STAC: variants seen among roughly 807,000 people sequenced by gnomAD.
The protein encoded by STAC is SH3 and cysteine-rich domain-containing protein.
Under a neutral mutation model 48.8 loss-of-function variants are expected in STAC, and 43 were observed. The ratio of observed to expected loss-of-function variants is 0.88; its 90% confidence interval spans 0.69 to 1.14. The LOEUF (loss-of-function observed/expected upper bound fraction) is 1.14, where lower values mean the gene tolerates loss of function less well. STAC is among the 50% of genes most tolerant of loss of function. STAC has a pLI of 0.00. For synonymous variants in STAC, 193 were observed against 179.5 expected (o/e 1.07, Z -0.60); for missense variants, 497 against 504.0 (o/e 0.99, Z 0.13).
intron 8 of STAC, 185 bp downstream of exon 8, chr3:36,506,019 A>G (rs1466363456): frequency 8.7e-6 from 4 of 457,800 alleles, no homozygotes; most frequent in Non-Finnish European, 1.6e-5. Context: ...TTTTTGATTC[A>G]TCAGATCTGA....
At chr3:36,467,793 G>A (rs1236594429) in intron 2 of STAC, among the ~76,000 whole-genome samples, 1 of 151,834 alleles carries the variant, frequency 6.6e-6, no homozygotes, top group Non-Finnish European at 1.5e-5. Flanking sequence ...CCAGCTTTTT[G>A]TTTCATTTAC....
At chr3:36,400,860 G>A (rs1352547950) in intron 1 of STAC, among the ~76,000 whole-genome samples, 1 of 152,194 alleles carries the variant, frequency 6.6e-6, no homozygotes, top group Non-Finnish European at 1.5e-5. Context: ...AGGCTTGTCT[G>A]TAGATATTCC....
chr3:36,446,457 C>T (rs530225446), intron 2 of STAC, among the ~76,000 whole-genome samples: 8 of 152,314 alleles, frequency 5.3e-5, no homozygotes, highest in Non-Finnish European at 8.8e-5. Context: ...CCAAGCAGAT[C>T]CACTCTTAGG....
chr3:36,541,166 T>G (rs1345570844), intron 10 of STAC, among the ~76,000 whole-genome samples: 1 of 151,726 alleles, frequency 6.6e-6, no homozygotes, highest in East Asian at 1.9e-4. Flanking sequence ...AGGCATCTCT[T>G]TTAATAGGGG....
intron 2 of STAC, among the ~76,000 whole-genome samples, chr3:36,462,055 G>A (rs1410699571): frequency 6.6e-6 from 1 of 152,138 alleles, no homozygotes; most frequent in African/African-American, 2.4e-5. Context: ...TCAGGTAAGA[G>A]ATAAAGGTAC....
At chr3:36,446,267 G>A (rs890861617) in intron 2 of STAC, among the ~76,000 whole-genome samples, 4 of 152,170 alleles carry the variant, frequency 2.6e-5, no homozygotes, top group African/African-American at 9.6e-5. Flanking sequence ...ACCTAAGCAA[G>A]CCAAAGATGC....
At chr3:36,528,266 T>G (rs1005411413) in intron 8 of STAC, among the ~76,000 whole-genome samples, 1 of 152,020 alleles carries the variant, frequency 6.6e-6, no homozygotes, top group African/African-American at 2.4e-5. Flanking sequence ...GTCAGGAGAT[T>G]GAGACCATCC....
intron 1 of STAC, among the ~76,000 whole-genome samples, chr3:36,401,988 T>C (rs1166594935): frequency 1.3e-5 from 2 of 152,162 alleles, no homozygotes; most frequent in African/African-American, 4.8e-5. Flanking sequence ...ATGACAAAAC[T>C]ATAGAGGTGG....
At position 36,380,691 on chromosome 3, in the gene STAC, C is replaced by G; in HGVS notation, c.48C>G (p.Pro16=). ...SPREDGVDGL[P]KEAVGAEQPP... is the part of the protein sequence containing the mutation. Reference sequence around the variant, plus strand: ...GCGAGGACGGCGTGGACGGGCTGCCCAAGGAGGCGGTGGGCGCCGAGCAAC... The same window carrying G: ...GCGAGGACGGCGTGGACGGGCTGCCGAAGGAGGCGGTGGGCGCCGAGCAAC... Residue 16 remains proline (P), a synonymous_variant, in exon 1 of 11, where the codon CCC becomes CCG. Transcript: ENST00000273183. The G allele has an allele frequency of 6.2e-7, 1 of 1,610,976 alleles. No individual in the cohort carries two copies. The highest frequency in any genetic ancestry group is 8.5e-7 in the Non-Finnish European group (1 of 1,178,992).
At chr3:36,499,131 G>C (rs1698222890) in intron 6 of STAC, among the ~76,000 whole-genome samples, 1 of 152,050 alleles carries the variant, frequency 6.6e-6, no homozygotes, top group Non-Finnish European at 1.5e-5. Flanking sequence ...AATTAAGAAA[G>C]ACCTATATTC....
At chr3:36,420,766 T>C (rs957752955) in intron 1 of STAC, among the ~76,000 whole-genome samples, 2 of 152,212 alleles carry the variant, frequency 1.3e-5, no homozygotes, top group African/African-American at 2.4e-5. Context: ...CTACAATTTT[T>C]GGTACTTTTG....
intron 5 of STAC, among the ~76,000 whole-genome samples, chr3:36,492,117 C>T (rs1276907705): frequency 8.1e-6 from 1 of 123,468 alleles, no homozygotes; most frequent in African/African-American, 3.1e-5. Context: ...GAGGATAGAG[C>T]CAGTTAGACT....
chr3:36,492,005 GAAAAAAAAA>G (rs1178508885), intron 5 of STAC, among the ~76,000 whole-genome samples: 10 of 6,430 alleles, frequency 1.6e-3, no homozygotes, highest in African/African-American at 3.8e-3. Context: ...TCCATCTCAA[GAAAAAAAAA>G]AAAAAAAAAA....
chr3:36,437,582 A>T (rs1294747907), intron 1 of STAC, among the ~76,000 whole-genome samples: 1 of 138,830 alleles, frequency 7.2e-6, no homozygotes, highest in Non-Finnish European at 1.5e-5. Context: ...AACAATGAGA[A>T]CACATGGACA....
chr3:36,423,688 T>C (rs1399368687), intron 1 of STAC, among the ~76,000 whole-genome samples: 3 of 152,136 alleles, frequency 2.0e-5, no homozygotes, highest in Non-Finnish European at 4.4e-5. Flanking sequence ...TTTTTTGTAC[T>C]GTATTTTGTT....
intron 2 of STAC, among the ~76,000 whole-genome samples, chr3:36,456,840 A>G (rs1243518759): frequency 6.6e-6 from 1 of 152,046 alleles, no homozygotes; most frequent in African/African-American, 2.4e-5. Context: ...TCTTCCCCAC[A>G]GCTCCCACCC....
At chr3:36,450,958 G>A (rs1109735) in intron 2 of STAC, among the ~76,000 whole-genome samples, 106,878 of 152,058 alleles carry the variant, frequency 0.7, 38,102 homozygotes, top group African/African-American at 0.82. Flanking sequence ...GTCATGTTCT[G>A]TAAGTGCTTC....
At chr3:36,490,562 T>C (rs981928488) in intron 5 of STAC, among the ~76,000 whole-genome samples, 6 of 152,076 alleles carry the variant, frequency 3.9e-5, no homozygotes, top group Admixed American at 3.9e-4. Flanking sequence ...GAAGGGCAAC[T>C]GAAAAGCCAG....
chr3:36,505,072 T>C (rs899233328), intron 7 of STAC, among the ~76,000 whole-genome samples: 1 of 152,246 alleles, frequency 6.6e-6, no homozygotes, highest in Admixed American at 6.5e-5. Flanking sequence ...CATCTGTAAA[T>C]TGGGGACAAA....
Sources: allele counts gnomAD v4.1 joint callset (sites outside exome capture counted in the v4.1 genomes callset), GRCh38; gene constraint gnomAD v4.1.1; transcripts MANE v1.5; gene names NCBI Gene and HGNC (gene_info 2026-07-23, HGNC 2026-07-21).